NLGN1: variants seen among roughly 807,000 people sequenced by gnomAD.
NLGN1 encodes the protein neuroligin 1.
Under a neutral mutation model 65.5 loss-of-function variants are expected in NLGN1, and 12 were observed. The ratio of observed to expected loss-of-function variants is 0.18; its 90% CI spans 0.12 to 0.30. NLGN1 has a LOEUF of 0.30. Among genes scored for constraint, NLGN1 ranks in the 10% least tolerant of loss-of-function variants. The probability of loss-of-function intolerance (pLI) is 1.00; values close to 1 mark genes in which losing one functional copy is unlikely to be tolerated. For synonymous variants in NLGN1, 350 were observed against 359.5 expected, an observed-to-expected ratio of 0.97 and a Z score of 0.30; for missense variants, 750 against 1,007.1, an observed-to-expected ratio of 0.74 and a Z score of 3.46.
At chr3:173,879,638 G>GGT (rs1732843047) in intron 4 of NLGN1, among the ~76,000 whole-genome samples, 1 of 141,976 alleles carries the variant, frequency 7.0e-6, no homozygotes, top group East Asian at 2.0e-4. Context: ...TTTTCTGTGT[G>GGT]TTTTTTTTTT....
rs1358126082 is a variant in NLGN1 at position 173,866,660 on chromosome 3, T to C, written c.646+58828T>C. Among the ~76,000 whole-genome samples the C allele has an allele frequency of 3.3e-5, 5 of 152,298 alleles. No homozygotes were observed. In the South Asian group the frequency reaches 1.0e-3, roughly 32 times the overall value. ...ACCTCAGCGGCATTCAATTGATTTGTTGGTTTTATATAAAAAGAAATCTCA... is the reference window on the plus strand; with the variant it reads ...ACCTCAGCGGCATTCAATTGATTTGCTGGTTTTATATAAAAAGAAATCTCA... On this transcript the variant is annotated intron_variant, in intron 4 of 6. Transcript: ENST00000457714.
At chr3:173,972,686 G>A (rs927252370) in intron 4 of NLGN1, among the ~76,000 whole-genome samples, 7 of 152,112 alleles carry the variant, frequency 4.6e-5, no homozygotes, top group Admixed American at 1.3e-4. Flanking sequence ...GAATTGATGA[G>A]CTTCCATTCT....
intron 4 of NLGN1, among the ~76,000 whole-genome samples, chr3:173,941,725 T>C (rs1746136932): frequency 6.6e-6 from 1 of 151,950 alleles, no homozygotes; most frequent in Admixed American, 6.6e-5. Context: ...TATATATTTG[T>C]AGAAAAACTG....
intron 3 of NLGN1, among the ~76,000 whole-genome samples, chr3:173,800,087 C>A: frequency 6.7e-6 from 1 of 150,192 alleles, no homozygotes. Flanking sequence ...ATATTTACAA[C>A]CCAAATCTTC....
rs77802237 is a variant in NLGN1, at chr3:174,182,625, G to A, written c.647-92690G>A. Among the ~76,000 whole-genome samples the A allele has an allele frequency of 6.0e-4, 91 of 152,164 alleles. No individual in the cohort carries two copies. In the East Asian group the frequency reaches 0.014, roughly 24 times the overall value. Reference sequence around the variant, plus strand: ...CTGGTCTGTAGGCCATCCTTTGAGTGAAAAAATATTAAAATCCATTAAATA... The same window carrying A: ...CTGGTCTGTAGGCCATCCTTTGAGTAAAAAAATATTAAAATCCATTAAATA... On this transcript the variant is annotated intron_variant, in intron 4 of 6. Transcript: ENST00000457714.
At chr3:173,554,458 A>G (rs1370017605) in intron 2 of NLGN1, among the ~76,000 whole-genome samples, 1 of 152,090 alleles carries the variant, frequency 6.6e-6, no homozygotes, top group Non-Finnish European at 1.5e-5. Context: ...AGTTCCTCCC[A>G]TTGTGCATTT....
chr3:174,277,988 G>A (rs1422965675), intron 5 of NLGN1, among the ~76,000 whole-genome samples: 1 of 151,880 alleles, frequency 6.6e-6, no homozygotes, highest in Non-Finnish European at 1.5e-5. Flanking sequence ...ATACCTTAAT[G>A]AGAAGATAAA....
intron 4 of NLGN1, among the ~76,000 whole-genome samples, chr3:174,254,968 A>G (rs1156891710): frequency 6.6e-6 from 1 of 152,194 alleles, no homozygotes; most frequent in African/African-American, 2.4e-5. Context: ...CTTTAACTTC[A>G]TAAGTATTTA....
At chr3:173,691,045 A>G (rs1056793694) in intron 3 of NLGN1, among the ~76,000 whole-genome samples, 4 of 152,116 alleles carry the variant, frequency 2.6e-5, no homozygotes, top group African/African-American at 9.7e-5. Context: ...ATTCCGGGAG[A>G]TGGAGGAGTG....
At chr3:173,605,445 A>G in intron 3 of NLGN1, 89 bp from the exon 3 acceptor site, 1 of 590,462 alleles carries the variant, frequency 1.7e-6, no homozygotes. Context: ...TAAATGCAGG[A>G]GCGTATTGAG....
chr3:174,072,908 T>C (rs1397314951), intron 4 of NLGN1, among the ~76,000 whole-genome samples: 1 of 152,166 alleles, frequency 6.6e-6, no homozygotes, highest in Admixed American at 6.6e-5. Flanking sequence ...ATGACTCAAC[T>C]TGAAGACAGT....
chr3:173,620,663 A>G (rs1018676305), intron 3 of NLGN1, among the ~76,000 whole-genome samples: 2 of 152,122 alleles, frequency 1.3e-5, no homozygotes, highest in South Asian at 2.1e-4. Flanking sequence ...AAAGACATCT[A>G]TATGAATTTA....
intron 3 of NLGN1, among the ~76,000 whole-genome samples, chr3:173,720,189 A>G (rs529131132): frequency 6.6e-5 from 10 of 152,336 alleles, no homozygotes; most frequent in Non-Finnish European, 1.3e-4. Context: ...CTGCTAAATC[A>G]GGATGCCTGA....
At chr3:173,980,724 T>G (rs530830736) in intron 4 of NLGN1, among the ~76,000 whole-genome samples, 1 of 152,148 alleles carries the variant, frequency 6.6e-6, no homozygotes, top group Admixed American at 6.6e-5. Context: ...GTATAAAAAT[T>G]TTTACTTTAA....
At chr3:173,613,370 C>G (rs1332365851) in intron 3 of NLGN1, among the ~76,000 whole-genome samples, 1 of 152,086 alleles carries the variant, frequency 6.6e-6, no homozygotes, top group African/African-American at 2.4e-5. Context: ...ATGACCCTTC[C>G]TACAGATAAT....
intron 4 of NLGN1, among the ~76,000 whole-genome samples, chr3:173,913,534 A>T (rs1387199169): frequency 3.9e-5 from 6 of 152,194 alleles, no homozygotes; most frequent in Non-Finnish European, 8.8e-5. Context: ...TGAAGAAGGC[A>T]GATAACAAGG....
intron 3 of NLGN1, among the ~76,000 whole-genome samples, chr3:173,789,251 A>G (rs886274032): frequency 1.2e-4 from 19 of 152,010 alleles, no homozygotes; most frequent in African/African-American, 3.4e-4. Flanking sequence ...AAGGAAGGAA[A>G]GAAAGTTAGT....
chr3:174,079,603 T>A (rs566931148), intron 4 of NLGN1, among the ~76,000 whole-genome samples: 2 of 152,262 alleles, frequency 1.3e-5, no homozygotes, highest in Admixed American at 1.3e-4. Context: ...ATTGCGGCAA[T>A]ATTCACAAAA....
intron 4 of NLGN1, among the ~76,000 whole-genome samples, chr3:174,090,542 G>T (rs771685499): frequency 1.5e-4 from 23 of 152,086 alleles, no homozygotes; most frequent in Non-Finnish European, 2.6e-4. Flanking sequence ...CACCCGCAAA[G>T]ATATTTCAAG....
Sources: allele counts gnomAD v4.1 joint callset (sites outside exome capture counted in the v4.1 genomes callset), GRCh38; gene constraint gnomAD v4.1.1; transcripts MANE v1.5; gene names NCBI Gene and HGNC (gene_info 2026-07-23, HGNC 2026-07-21).